CACNB1: variants seen among roughly 807,000 people sequenced by gnomAD.
CACNB1 encodes calcium voltage-gated channel auxiliary subunit beta 1.
CACNB1 carries 29 observed loss-of-function variants against 71.6 expected under a neutral mutation model. That is an observed-to-expected ratio of 0.40 (90% CI 0.30 to 0.55). CACNB1 has a LOEUF of 0.55. Among genes scored for constraint, CACNB1 ranks in the 20% least tolerant of loss-of-function variants. CACNB1 has a pLI of 0.38. For synonymous variants in CACNB1, 300 were observed against 319.6 expected (o/e 0.94, Z 0.65); for missense variants, 623 against 801.8 (o/e 0.78, Z 2.69).
chr17:39,175,795 G>C lies in CACNB1; in HGVS notation c.1333-138C>G. The stretch of plus-strand genomic sequence containing the variant: ...GTGCTGGCTCTAGAGGAGGGGCCCC[G>C]GGGACAAACGGCTCTGGAGCCCAGC... On this transcript the variant is annotated intron_variant, in intron 13 of 13. Transcript: ENST00000394303. The surrounding 1 kb of genome is among the most constrained non-coding windows in gnomAD (Gnocchi z 4.7). 1 of 675,450 alleles carries C rather than the reference G, an allele frequency of 1.5e-6. No individual in the cohort carries two copies. The highest frequency in any genetic ancestry group is 2.4e-6 in the Non-Finnish European group (1 of 409,616). 41.8% of individuals were successfully genotyped at this position (675,450 alleles called of 1,614,324 possible).
At position 39,194,462 on chromosome 17, in the gene CACNB1, A is replaced by C. The variant is rs1360918816; in HGVS notation, c.171+422T>G. ...TTTCCCTGGCCAGGACCTCACCAGGACTACAGGGACCCAAACATCCTTGCT... is the reference window on the plus strand; with the variant it reads ...TTTCCCTGGCCAGGACCTCACCAGGCCTACAGGGACCCAAACATCCTTGCT... On this transcript the variant is annotated intron_variant, in intron 2 of 13. Transcript: ENST00000394303. This position sits in a 1 kb window ranked among gnomAD's most constrained non-coding sequence, Gnocchi z 4.6. 2.0e-5 allele frequency among the ~76,000 whole-genome samples: 3 copies of C among 152,142 alleles called. No homozygotes were observed. The highest frequency in any genetic ancestry group is 7.2e-5 in the African/African-American group (3 of 41,410).
intron 1 of CACNB1, among the ~76,000 whole-genome samples, chr17:39,195,758 C>A (rs748490356): frequency 6.6e-6 from 1 of 152,154 alleles, no homozygotes; most frequent in Non-Finnish European, 1.5e-5. Flanking sequence ...TACCCTGTGG[C>A]CCCCAGCTGC....
chr17:39,180,276 A>C (rs1399738268), intron 11 of CACNB1, among the ~76,000 whole-genome samples: 2 of 151,264 alleles, frequency 1.3e-5, no homozygotes, highest in Non-Finnish European at 2.9e-5. Context: ...AAAAAAAAAA[A>C]CCAAATATGG....
At chr17:39,197,366 C>G in intron 1 of CACNB1, 46 bp downstream of exon 1, 1 of 1,319,768 alleles carries the variant, frequency 7.6e-7, no homozygotes, top group Non-Finnish European at 1.0e-6. Context: ...TTAACACGGT[C>G]CGCGGGAGCG....
chr17:39,179,329 C>T (rs1232962433), intron 11 of CACNB1, among the ~76,000 whole-genome samples: 2 of 149,786 alleles, frequency 1.3e-5, no homozygotes, highest in Non-Finnish European at 1.5e-5. Flanking sequence ...TGGCTCATGC[C>T]TATAATCCCA....
chr17:39,184,851 G>C lies in CACNB1; in HGVS notation c.662C>G (p.Pro221Arg). The change falls in exon 8 of 14, where the codon CCC becomes CGC. Residue 221 changes from proline (P) to arginine (R), a missense_variant. Coordinates refer to ENST00000394303, the MANE Select transcript of CACNB1 (RefSeq NM_000723.5). ...CATGGAAGGCACCACGTCATAGGGG[G>C]GCACATGCTCTGTCTGGGGGGGGAA... ...KQKQKSTEHV[P>R]PYDVVPSMRP... The C allele has an allele frequency of 6.3e-7, 1 of 1,583,674 alleles. No individual in the cohort carries two copies. The highest frequency in any genetic ancestry group is 8.7e-7 in the Non-Finnish European group (1 of 1,152,422).
intron 11 of CACNB1, among the ~76,000 whole-genome samples, chr17:39,182,728 TAAATAA>T (rs2045807717): frequency 6.6e-6 from 1 of 150,476 alleles, no homozygotes; most frequent in South Asian, 2.1e-4. Context: ...AATAAATAAA[TAAATAA>T]ATAAATAAAT....
At chr17:39,180,543 T>C (rs982286290) in intron 11 of CACNB1, among the ~76,000 whole-genome samples, 5 of 150,966 alleles carry the variant, frequency 3.3e-5, no homozygotes, top group African/African-American at 1.2e-4. Flanking sequence ...TAATACCAGC[T>C]ACTTGGGAGG....
rs1193841337 is a variant in CACNB1 at position 39,186,948 on chromosome 17, G to A, written c.415-19C>T. ...TGTATTTCTGCAAAGAATATGGCAG[G>A]TGGGTGGAAAGAGCAAGAGGGAAAC... On this transcript the variant is annotated intron_variant, in intron 4 of 13. Coordinates refer to ENST00000394303, the MANE Select transcript of CACNB1 (RefSeq NM_000723.5). The surrounding 1 kb of genome is among the most constrained non-coding windows in gnomAD (Gnocchi z 4.1). The A allele has an allele frequency of 1.9e-6, 3 of 1,612,626 alleles. No homozygotes were observed. The highest frequency in any genetic ancestry group is 2.5e-6 in the Non-Finnish European group (3 of 1,178,774).
chr17:39,176,384 C>T lies in CACNB1; in HGVS notation c.1333-727G>A, dbSNP rs2045578768. 3.9e-5 allele frequency among the ~76,000 whole-genome samples: 6 copies of T among 152,292 alleles called. 1 individual carries two copies. In the South Asian group the frequency reaches 1.2e-3, roughly 32 times the overall value. ...GCTGTGTGACCCTAAGCAAACAGTTCCCCTCTCTGTGGCCTCATTTCTTGG... is the reference window on the plus strand; with the variant it reads ...GCTGTGTGACCCTAAGCAAACAGTTTCCCTCTCTGTGGCCTCATTTCTTGG... On this transcript the variant is annotated intron_variant, in intron 13 of 13. Transcript: ENST00000394303.
chr17:39,184,256 G>T, intron 9 of CACNB1, 69 bp downstream of exon 9: 2 of 1,297,792 alleles, frequency 1.5e-6, no homozygotes, highest in Admixed American at 2.0e-5. Flanking sequence ...ATTGTGATTC[G>T]AGGCATCCTG....
chr17:39,191,793 C>T (rs2046087605), intron 2 of CACNB1, 200 bp from the exon 3 acceptor site: 4 of 554,404 alleles, frequency 7.2e-6, no homozygotes, highest in Non-Finnish European at 9.3e-6. Context: ...AAAGTGTGGC[C>T]CTAGTGAGGG....
chr17:39,197,448 C>A lies in CACNB1; in HGVS notation c.48G>T (p.Gln16His). ...SMSRGPYPPS[Q>H]EIPMEVFDPS... is the part of the protein sequence containing the mutation. ...GGTCGAAGACCTCCATGGGGATCTCCTGGGAGGGTGGGTAAGGGCCCCGGG... is the reference window on the plus strand; with the variant it reads ...GGTCGAAGACCTCCATGGGGATCTCATGGGAGGGTGGGTAAGGGCCCCGGG... Residue 16 changes from glutamine (Q) to histidine (H), a missense_variant, in exon 1 of 14, where the codon CAG becomes CAT. Coordinates refer to ENST00000394303, the MANE Select transcript of CACNB1 (RefSeq NM_000723.5). 6.7e-7 allele frequency: 1 copy of A among 1,484,366 alleles called. No individual in the cohort carries two copies. Among genetic ancestry groups the A allele is most frequent in the African/African-American group, 1.5e-5 (1 of 67,750 alleles). 91.9% of individuals were successfully genotyped at this position (1,484,366 alleles called of 1,614,324 possible).
intron 11 of CACNB1, among the ~76,000 whole-genome samples, chr17:39,180,562 G>A (rs1207280038): frequency 1.3e-5 from 2 of 151,662 alleles, no homozygotes; most frequent in Non-Finnish European, 2.9e-5. Context: ...GGCTGAGGCA[G>A]GAGAATCACT....
In CACNB1 at chr17:39,187,576, C is replaced by G; in HGVS notation, c.317G>C (p.Arg106Pro). 6.2e-7 allele frequency: 1 copy of G among 1,614,180 alleles called. No individual in the cohort carries two copies. The highest frequency in any genetic ancestry group is 8.5e-7 in the Non-Finnish European group (1 of 1,180,026). Reference protein sequence around the residue: ...AKTKPVAFAVRTNVGYNPSPG... With the variant: ...AKTKPVAFAVPTNVGYNPSPG... The stretch of plus-strand genomic sequence containing the variant: ...AGACGGATTGTAGCCAACATTTGTC[C>G]GCACAGCAAATGCCACTGGCTTGGT... Residue 106 changes from arginine (R) to proline (P), a missense_variant, in exon 4 of 14, where the codon CGG becomes CCG. Arg to Pro is a moderately radical substitution (Grantham distance 103). Coordinates refer to ENST00000394303, the MANE Select transcript of CACNB1 (RefSeq NM_000723.5).
Position 39,194,884 on chromosome 17 carries a change from C to A in CACNB1, c.171G>T (p.Gln57His). The A allele has an allele frequency of 6.2e-7, 1 of 1,607,320 alleles. No homozygotes were observed. Among genetic ancestry groups the A allele is most frequent in the Non-Finnish European group, 8.5e-7 (1 of 1,174,626 alleles). Residue 57 changes from glutamine (Q) to histidine (H), a missense_variant and splice_region_variant, in exon 2 of 14, where the codon CAG (glutamine) becomes CAT (histidine). By Grantham distance (24) the Gln-to-His change is conservative. Coordinates refer to ENST00000394303, the MANE Select transcript of CACNB1 (RefSeq NM_000723.5). The surrounding 1 kb of genome is among the most constrained non-coding windows in gnomAD (Gnocchi z 4.6). ...CCTCTCCGCCCAGCCTCCCCATTACCTGGCGGACAAAGCTGTTGGATGTGG... is the reference window on the plus strand; with the variant it reads ...CCTCTCCGCCCAGCCTCCCCATTACATGGCGGACAAAGCTGTTGGATGTGG... ...SDTTSNSFVR[Q>H]GSAESYTSRP...
At chr17:39,176,753 A>C (rs2045587994) in intron 13 of CACNB1, among the ~76,000 whole-genome samples, 1 of 152,188 alleles carries the variant, frequency 6.6e-6, no homozygotes. Context: ...AGGGCAAGGC[A>C]GGATGGGTCT....
intron 4 of CACNB1, 52 bp downstream of exon 4, chr17:39,187,427 T>C (rs2144145064): frequency 1.9e-6 from 3 of 1,609,314 alleles, no homozygotes; most frequent in Non-Finnish European, 2.5e-6. Flanking sequence ...ACTAGCACTC[T>C]GGCTGCCTGT....
rs763751270 is a variant in CACNB1, at chr17:39,194,901, T to C, written c.154A>G (p.Asn52Asp). Residue 52 changes from asparagine (N) to aspartate (D), a missense_variant, in exon 2 of 14, where the codon AAC (asparagine) becomes GAC (aspartate). Physicochemically the swap from Asn to Asp is conservative, Grantham distance 23. Coordinates refer to ENST00000394303, the MANE Select transcript of CACNB1 (RefSeq NM_000723.5). This position sits in a 1 kb window ranked among gnomAD's most constrained non-coding sequence, Gnocchi z 4.6. Reference sequence around the variant, plus strand: ...CCCATTACCTGGCGGACAAAGCTGTTGGATGTGGTATCCGAGGACGTGCTC... The same window carrying C: ...CCCATTACCTGGCGGACAAAGCTGTCGGATGTGGTATCCGAGGACGTGCTC... ...DGSTSSDTTS[N>D]SFVRQGSAES... 14 of 1,612,444 alleles carry C rather than the reference T, an allele frequency of 8.7e-6. No individual in the cohort carries two copies.
Sources: allele counts gnomAD v4.1 joint callset (sites outside exome capture counted in the v4.1 genomes callset), GRCh38; gene constraint gnomAD v4.1.1; non-coding constraint Gnocchi (gnomAD v3.1); transcripts MANE v1.5; gene names NCBI Gene and HGNC (gene_info 2026-07-23, HGNC 2026-07-21).